SCAPER: variants seen among roughly 807,000 people sequenced by gnomAD.
The protein encoded by SCAPER is S-phase cyclin A associated protein in the ER, also known as S phase cyclin A-associated protein in the endoplasmic reticulum.
In SCAPER, 98 loss-of-function variants were observed where a neutral mutation model predicts 182.2. The observed-to-expected ratio is 0.54, with a 90% confidence interval of 0.46 to 0.64. The LOEUF is 0.64. Among genes scored for constraint, SCAPER ranks in the 30% least tolerant of loss-of-function variants. The pLI is 0.00. For synonymous variants in SCAPER, 605 were observed against 564.6 expected (o/e 1.07, Z -1.01); for missense variants, 1,432 against 1,690.0 (o/e 0.85, Z 2.68).
chr15:76,644,944 C>A (rs1343873030), intron 21 of SCAPER, among the ~76,000 whole-genome samples: 2 of 151,940 alleles, frequency 1.3e-5, no homozygotes, highest in African/African-American at 4.8e-5. Context: ...ATCTAGTTAG[C>A]CCTCTGTAAC....
At chr15:76,820,455 T>C (rs2067446550) in intron 5 of SCAPER, among the ~76,000 whole-genome samples, 1 of 152,238 alleles carries the variant, frequency 6.6e-6, no homozygotes, top group African/African-American at 2.4e-5. Flanking sequence ...TGGATGAAGC[T>C]GGAAACCATC....
At chr15:76,898,837 T>C (rs1268078351) in intron 1 of SCAPER, among the ~76,000 whole-genome samples, 1 of 152,332 alleles carries the variant, frequency 6.6e-6, no homozygotes, top group Non-Finnish European at 1.5e-5. Flanking sequence ...AACTTGATTG[T>C]GGTAATGGAT....
intron 27 of SCAPER, among the ~76,000 whole-genome samples, chr15:76,398,148 A>G (rs1408555927): frequency 3.9e-5 from 6 of 151,930 alleles, no homozygotes; most frequent in Non-Finnish European, 5.9e-5. Context: ...AATCTTTTCC[A>G]TCTTTCAAGG....
At chr15:76,779,079 C>G (rs573934133) in intron 8 of SCAPER, among the ~76,000 whole-genome samples, 1 of 151,936 alleles carries the variant, frequency 6.6e-6, no homozygotes, top group Non-Finnish European at 1.5e-5. Context: ...CCTAAATGTA[C>G]AAATACCAAA....
chr15:76,799,364 C>T (rs1379733295), intron 7 of SCAPER, among the ~76,000 whole-genome samples: 3 of 148,640 alleles, frequency 2.0e-5, no homozygotes, highest in Non-Finnish European at 4.4e-5. Context: ...TGGCTCACTG[C>T]AACCTCCACC....
intron 1 of SCAPER, among the ~76,000 whole-genome samples, chr15:76,891,977 G>A (rs1488724778): frequency 6.6e-6 from 1 of 152,100 alleles, no homozygotes; most frequent in African/African-American, 2.4e-5. Flanking sequence ...TACCAAAACA[G>A]ATACATAGAC....
chr15:76,577,386 G>A (rs780747444), intron 22 of SCAPER, among the ~76,000 whole-genome samples: 1 of 152,170 alleles, frequency 6.6e-6, no homozygotes. Flanking sequence ...GATCAAGGCT[G>A]CAGTGAGCTA....
At chr15:76,894,484 G>C (rs1363555489) in intron 1 of SCAPER, among the ~76,000 whole-genome samples, 1 of 151,882 alleles carries the variant, frequency 6.6e-6, no homozygotes, top group Non-Finnish European at 1.5e-5. Flanking sequence ...AACAACCTAA[G>C]TTTACACCTC....
In SCAPER at chr15:76,389,327, C is replaced by T. The variant is rs572758838; in HGVS notation, c.3468-7712G>A. 4.6e-5 allele frequency among the ~76,000 whole-genome samples: 7 copies of T among 151,372 alleles called. No individual in the cohort carries two copies. The South Asian group carries it at 1.5e-3, about 32-fold the overall frequency. Reference sequence around the variant, plus strand: ...ACCAGCCTGGCCAACATGGTGAAACCCTGTCTCTACTAAAAATACGAAAAT... The same window carrying T: ...ACCAGCCTGGCCAACATGGTGAAACTCTGTCTCTACTAAAAATACGAAAAT... On this transcript the variant is annotated intron_variant, in intron 27 of 31. Coordinates refer to ENST00000563290, the MANE Select transcript of SCAPER (RefSeq NM_020843.4).
chr15:76,486,533 A>G (rs1385679019), intron 24 of SCAPER, among the ~76,000 whole-genome samples: 1 of 152,210 alleles, frequency 6.6e-6, no homozygotes, highest in Non-Finnish European at 1.5e-5. Context: ...ACCCCATTAA[A>G]AAGTAGGCGA....
rs544351784 is a variant in SCAPER, at chr15:76,880,398, T to C, written c.6+3414A>G. ...TTCTTAATTATTTTCTCCTCTTCCC[T>C]AACAAGCTATTAGCTGTCAATTCTT... On this transcript the variant is annotated intron_variant, in intron 2 of 31. Transcript: ENST00000563290. Among the ~76,000 whole-genome samples the C allele has an allele frequency of 7.9e-5, 12 of 152,350 alleles. No individual in the cohort carries two copies. In the East Asian group the frequency reaches 2.1e-3, roughly 27 times the overall value.
chr15:76,711,068 T>C (rs553610854), intron 17 of SCAPER, among the ~76,000 whole-genome samples: 1 of 152,268 alleles, frequency 6.6e-6, no homozygotes, highest in South Asian at 2.1e-4. Context: ...ATTACAGAAC[T>C]AAATGCTAAG....
intron 22 of SCAPER, among the ~76,000 whole-genome samples, chr15:76,579,676 A>G (rs920646400): frequency 2.0e-5 from 3 of 152,210 alleles, no homozygotes; most frequent in Non-Finnish European, 1.5e-5. Context: ...GTCCTTACTT[A>G]TCAATAACTG....
rs1387388432 is a variant in SCAPER at position 76,592,963 on chromosome 15, C to T, written c.2712-18679G>A. ...ACCCCAGTGGCACCTGGAACACCAC[C>T]GAGACAGAACCATTCATTACCCTGG... On this transcript the variant is annotated intron_variant, in intron 22 of 31. Transcript: ENST00000563290. Among the ~76,000 whole-genome samples, 10 of 118,404 alleles carry T rather than the reference C, an allele frequency of 8.4e-5. 3 individuals carry two copies. The highest frequency in any genetic ancestry group is 3.8e-4 in the Admixed American group (4 of 10,416). The allele number at this position is 118,404 out of a possible 152,430, so 77.7% of individuals were successfully genotyped here.
At chr15:76,862,129 C>A (rs1050067831) in intron 3 of SCAPER, among the ~76,000 whole-genome samples, 1 of 152,078 alleles carries the variant, frequency 6.6e-6, no homozygotes, top group Admixed American at 6.5e-5. Context: ...GGAGACAAAG[C>A]CTAAACATAT....
chr15:76,517,514 T>TA (rs2042525590), intron 23 of SCAPER, among the ~76,000 whole-genome samples: 1 of 152,012 alleles, frequency 6.6e-6, no homozygotes, highest in Admixed American at 6.6e-5. Context: ...TACACCCGGC[T>TA]AATTTTTTTG....
At chr15:76,815,051 A>AT (rs2066952589) in intron 5 of SCAPER, among the ~76,000 whole-genome samples, 1 of 150,632 alleles carries the variant, frequency 6.6e-6, no homozygotes, top group South Asian at 2.1e-4. Context: ...GCAAATTAAA[A>AT]CAAAAAAAAA....
intron 21 of SCAPER, among the ~76,000 whole-genome samples, chr15:76,652,343 TAC>T (rs1230104329): frequency 0.14 from 1,601 of 11,768 alleles, 252 homozygotes; most frequent in Non-Finnish European, 0.18. Flanking sequence ...TACACATATA[TAC>T]ACACACACAC....
chr15:76,503,852 C>T (rs1454719045), intron 24 of SCAPER, among the ~76,000 whole-genome samples: 2 of 151,868 alleles, frequency 1.3e-5, no homozygotes, highest in African/African-American at 4.8e-5. Flanking sequence ...AATTTTTTTT[C>T]CTGTTGTATC....
Sources: gnomAD v4.1 joint callset for allele counts (sites outside exome capture counted in the v4.1 genomes callset) on GRCh38, gnomAD v4.1.1 for gene constraint, MANE v1.5 for transcripts, NCBI Gene and HGNC (gene_info 2026-07-23, HGNC 2026-07-21) for gene names.